Variants in DPY19L3 observed in about 807,000 individuals in gnomAD.
DPY19L3 encodes dpy-19 like C-mannosyltransferase 3.
Under a neutral mutation model 92.3 loss-of-function variants are expected in DPY19L3, and 51 were observed. That is an observed-to-expected ratio of 0.55 (90% CI 0.44 to 0.70). DPY19L3 has a LOEUF of 0.70. Among genes scored for constraint, DPY19L3 ranks in the 30% least tolerant of loss-of-function variants. The pLI is 0.00. For missense variants in DPY19L3, 706 were observed against 855.9 expected (o/e 0.82, Z 2.18); for synonymous variants, 309 against 315.2 (o/e 0.98, Z 0.21).
intron 10 of DPY19L3, among the ~76,000 whole-genome samples, chr19:32,456,589 G>A (rs1969873452): frequency 6.6e-6 from 1 of 150,898 alleles, no homozygotes; most frequent in Non-Finnish European, 1.5e-5. Flanking sequence ...GTGTGCCACC[G>A]CCCCTGGCTA....
At chr19:32,477,229 C>T (rs1240223202) in intron 16 of DPY19L3, among the ~76,000 whole-genome samples, 1 of 152,024 alleles carries the variant, frequency 6.6e-6, no homozygotes, top group African/African-American at 2.4e-5. Context: ...GTTTCCCCAC[C>T]GTTATTCTGG....
At chr19:32,412,351 T>G (rs990751650) in intron 3 of DPY19L3, 1 of 136,894 alleles carries the variant, frequency 7.3e-6, no homozygotes, top group Non-Finnish European at 1.5e-5. Context: ...GGTTGAGGAT[T>G]GTTTTGTGAA....
chr19:32,467,813 G>T (rs2145611140), intron 15 of DPY19L3: 1 of 978,370 alleles, frequency 1.0e-6, no homozygotes, highest in African/African-American at 1.7e-5. Flanking sequence ...AAACAATTAA[G>T]ATTTAGTTAA....
rs191534124 is a variant in DPY19L3 at position 32,421,615 on chromosome 19, G to A, written c.237+10243G>A. ...TGCACTCCAGCCTGGGTGACAAAGCGAGACTTCATCTCAAAAAAAAAAAAA... is the reference window on the plus strand; with the variant it reads ...TGCACTCCAGCCTGGGTGACAAAGCAAGACTTCATCTCAAAAAAAAAAAAA... On this transcript the variant is annotated intron_variant, in intron 3 of 18. Transcript: ENST00000392250. Among the ~76,000 whole-genome samples the A allele has an allele frequency of 4.6e-3, 629 of 136,536 alleles. 4 individuals carry two copies. The highest frequency in any genetic ancestry group is 0.024 in the Middle Eastern group (6 of 254). 89.6% of individuals were successfully genotyped at this position (136,536 alleles called of 152,430 possible).
chr19:32,477,586 T>C lies in DPY19L3; in HGVS notation c.1762T>C (p.Cys588Arg). 6.2e-7 allele frequency: 1 copy of C among 1,614,116 alleles called. No individual in the cohort carries two copies. The highest frequency in any genetic ancestry group is 8.5e-7 in the Non-Finnish European group (1 of 1,180,032). ...GCAGTTGCTGGCCGGAGTCAAGCTG[T>C]GCACGGGAAGGACCCTAACCAACCA... The part of the protein sequence containing the change: ...SMQLLAGVKL[C>R]TGRTLTNHPH... The change falls in exon 17 of 19, where the codon TGC (cysteine) becomes CGC (arginine). Residue 588 changes from cysteine (C) to arginine (R), a missense_variant. Cys to Arg is a radical substitution (Grantham distance 180). Coordinates refer to ENST00000392250, the MANE Select transcript of DPY19L3 (RefSeq NM_001172774.2).
rs62104853 is a variant in DPY19L3 at position 32,421,367 on chromosome 19, A to G, written c.237+9995A>G. Reference sequence around the variant, plus strand: ...TGAGAGAAGAGTCTGCGGCCAGGCAAGGTGGCTCACGCCTGTAATCCCAGC... The same window carrying G: ...TGAGAGAAGAGTCTGCGGCCAGGCAGGGTGGCTCACGCCTGTAATCCCAGC... On this transcript the variant is annotated intron_variant, in intron 3 of 18. Transcript: ENST00000392250. 4.5e-3 allele frequency among the ~76,000 whole-genome samples: 688 copies of G among 152,256 alleles called. 3 individuals are homozygous for G. Among genetic ancestry groups the G allele is most frequent in the Non-Finnish European group, 7.8e-3 (530 of 68,008 alleles).
chr19:32,411,703 G>A (rs1279763489), intron 3 of DPY19L3: 3 of 310,332 alleles, frequency 9.7e-6, no homozygotes, highest in Non-Finnish European at 5.7e-6. Context: ...AAGTAGCTGG[G>A]ACTATAGGTG....
At position 32,480,469 on chromosome 19, in the gene DPY19L3, A is replaced by G. The variant is rs202018520; in HGVS notation, c.1901A>G (p.Tyr634Cys). 1.7e-5 allele frequency: 27 copies of G among 1,614,064 alleles called. 1 individual carries two copies. Among genetic ancestry groups the G allele is most frequent in the Non-Finnish European group, 1.8e-5 (21 of 1,180,024 alleles). ...HALLRSFGTD[Y>C]VILEDSICYE... ...CTCCTAAGGTCCTTCGGCACTGACTACGTAATCCTGGAAGACAGCATCTGC... is the reference window on the plus strand; with the variant it reads ...CTCCTAAGGTCCTTCGGCACTGACTGCGTAATCCTGGAAGACAGCATCTGC... The change falls in exon 18 of 19, where the codon TAC (tyrosine) becomes TGC (cysteine). Residue 634 changes from tyrosine to cysteine, a missense_variant. Tyr to Cys is a radical substitution (Grantham distance 194). Transcript: ENST00000392250.
At chr19:32,440,084 C>T (rs1359948111) in intron 8 of DPY19L3, among the ~76,000 whole-genome samples, 174 bp downstream of exon 8, 2 of 152,108 alleles carry the variant, frequency 1.3e-5, no homozygotes, top group Admixed American at 1.3e-4. Flanking sequence ...CTAGTTTGAC[C>T]ATCTTAACTT....
At position 32,437,185 on chromosome 19, in the gene DPY19L3, CT is replaced by C. The variant is rs769920716; in HGVS notation, c.451-5del. ...CCTGACAAACATGTTTTATTGTTCC[CT>C]TTTACAGAAATATTTAGAGCCAGTT... On this transcript the variant is annotated splice_polypyrimidine_tract_variant and splice_region_variant and intron_variant, in intron 5 of 18. Transcript: ENST00000392250. 1 of 1,613,740 alleles carries C rather than the reference CT, an allele frequency of 6.2e-7. No homozygotes were observed. Among genetic ancestry groups the C allele is most frequent in the Non-Finnish European group, 8.5e-7 (1 of 1,179,898 alleles).
Position 32,434,383 on chromosome 19 carries a change from G to A in DPY19L3, c.328+1577G>A, listed in dbSNP as rs759614107. Among the ~76,000 whole-genome samples, 9 of 152,284 alleles carry A rather than the reference G, an allele frequency of 5.9e-5. 1 individual carries two copies. The South Asian group carries it at 6.2e-4, about 11-fold the overall frequency. ...TTAAAATGATCCTCTGAGCCTGGGC[G>A]CAGTGGCTCACTCCTGTAGTCCCAG... On this transcript the variant is annotated intron_variant, in intron 4 of 18. Transcript: ENST00000392250.
rs1271321280 is a variant in DPY19L3 at position 32,415,267 on chromosome 19, A to G, written c.237+3895A>G. On this transcript the variant is annotated intron_variant, in intron 3 of 18. Coordinates refer to ENST00000392250, the MANE Select transcript of DPY19L3 (RefSeq NM_001172774.2). ...GAGTGGAAGCCTAACCTCATTTTGG[A>G]AGATCAGGGAGGCTTTTCTAGAGGA... Among the ~76,000 whole-genome samples the G allele has an allele frequency of 3.9e-5, 6 of 152,298 alleles. No individual in the cohort carries two copies. The East Asian group carries it at 9.7e-4, about 25-fold the overall frequency.
At chr19:32,408,164 G>A (rs1248589295) in intron 1 of DPY19L3, 53 bp from the exon 2 acceptor site, 2 of 861,492 alleles carry the variant, frequency 2.3e-6, no homozygotes, top group African/African-American at 1.7e-5. Context: ...GATGAGCACG[G>A]GGTGTGTTGG....
chr19:32,421,955 A>C (rs978628904), intron 3 of DPY19L3, among the ~76,000 whole-genome samples: 6 of 152,206 alleles, frequency 3.9e-5, no homozygotes, highest in Non-Finnish European at 2.9e-5. Context: ...TCTGTTGACT[A>C]AAATGAGGAA....
intron 10 of DPY19L3, 65 bp downstream of exon 10, chr19:32,455,105 T>C: frequency 7.2e-6 from 8 of 1,105,182 alleles, no homozygotes; most frequent in Non-Finnish European, 1.0e-5. Flanking sequence ...GAGATAATTT[T>C]TGAAACTTTC....
chr19:32,434,258 G>A (rs1444776154), intron 4 of DPY19L3, among the ~76,000 whole-genome samples: 5 of 152,148 alleles, frequency 3.3e-5, no homozygotes, highest in South Asian at 2.1e-4. Flanking sequence ...TGAATGAGGC[G>A]ACACTCTGCC....
At chr19:32,446,249 A>G (rs1252093115) in intron 8 of DPY19L3, among the ~76,000 whole-genome samples, 1 of 152,210 alleles carries the variant, frequency 6.6e-6, no homozygotes, top group African/African-American at 2.4e-5. Context: ...AGTACATGAA[A>G]AAACAGTACA....
At chr19:32,462,693 G>T (rs1195351418) in intron 12 of DPY19L3, among the ~76,000 whole-genome samples, 3 of 152,094 alleles carry the variant, frequency 2.0e-5, no homozygotes, top group Admixed American at 1.3e-4. Context: ...TACTTTTATA[G>T]ATCAAAAGAT....
At chr19:32,437,075 T>C in intron 5 of DPY19L3, 119 bp from the exon 6 acceptor site, 2 of 1,228,712 alleles carry the variant, frequency 1.6e-6, no homozygotes, top group Non-Finnish European at 2.3e-6. Flanking sequence ...GGGTGTGGGC[T>C]TGCTGCTTGG....
Sources: allele counts gnomAD v4.1 joint callset (sites outside exome capture counted in the v4.1 genomes callset), GRCh38; gene constraint gnomAD v4.1.1; transcripts MANE v1.5; gene names NCBI Gene and HGNC (gene_info 2026-07-23, HGNC 2026-07-21).